The following GJC1 variants were observed in gnomAD, a reference collection of about 807,000 sequenced individuals.
GJC1 encodes gap junction protein gamma 1, also known as gap junction gamma-1 protein.
A neutral mutation model predicts 29.3 loss-of-function variants in GJC1; 5 were observed. The observed-to-expected ratio is 0.17, with a 90% CI of 0.09 to 0.36. The LOEUF (loss-of-function observed/expected upper bound fraction) is 0.36, where lower values mean the gene tolerates loss of function less well. Ranked by LOEUF, GJC1 falls within the 10% of genes least tolerant of loss-of-function variation. The probability of loss-of-function intolerance (pLI) is 1.00; values close to 1 mark genes in which losing one functional copy is unlikely to be tolerated. For synonymous variants in GJC1, 177 were observed against 183.3 expected, an observed-to-expected ratio of 0.97 and a Z score of 0.28; for missense variants, 310 against 496.2, an observed-to-expected ratio of 0.62 and a Z score of 3.56.
chr17:44,797,606 T>C (rs2049792034), downstream of GJC1: 1 of 152,204 alleles, frequency 6.6e-6, no homozygotes, highest in South Asian at 2.1e-4. Context: ...ATATTCTTCA[T>C]GCCGTTGTGC....
chr17:44,819,477 T>C (rs2050082099), intron 1 of GJC1, among the ~76,000 whole-genome samples: 1 of 151,800 alleles, frequency 6.6e-6, no homozygotes, highest in Non-Finnish European at 1.5e-5. Context: ...GCTAACACTG[T>C]GAAACCCCCT....
upstream of GJC1, chr17:44,830,627 T>C: frequency 2.5e-6 from 1 of 398,666 alleles, no homozygotes; most frequent in Non-Finnish European, 4.4e-6. The surrounding 1 kb of genome is among the most constrained non-coding windows in gnomAD (Gnocchi z 4.3). Flanking sequence ...CGCCGTGGGT[T>C]CTCGCCTTAC....
chr17:44,814,892 A>C (rs902981919), intron 1 of GJC1, among the ~76,000 whole-genome samples: 11 of 152,010 alleles, frequency 7.2e-5, no homozygotes, highest in Non-Finnish European at 1.2e-4. Context: ...CAGTGAGACG[A>C]GAAGGCACCA....
chr17:44,811,027 C>T (rs2049974047), intron 1 of GJC1, among the ~76,000 whole-genome samples: 1 of 152,174 alleles, frequency 6.6e-6, no homozygotes, highest in Non-Finnish European at 1.5e-5. Flanking sequence ...CCTCAGCCTC[C>T]CAAAGTGTTG....
intron 1 of GJC1, among the ~76,000 whole-genome samples, chr17:44,827,375 T>C (rs1333370328): frequency 6.6e-6 from 1 of 152,140 alleles, no homozygotes; most frequent in African/African-American, 2.4e-5. Flanking sequence ...TGCTTTTTCT[T>C]TGCCTAAATT....
chr17:44,800,294 G>C lies in GJC1; in HGVS notation c.*4333C>G, dbSNP rs1054268870. 6.6e-6 allele frequency: 1 copy of C among 152,134 alleles called. No homozygotes were observed. The highest frequency in any genetic ancestry group is 1.5e-5 in the Non-Finnish European group (1 of 68,050). 9.4% of individuals were successfully genotyped at this position (152,134 alleles called of 1,614,324 possible). A position where few individuals can be genotyped will look rare whatever the true frequency, so the allele number is the denominator to read the frequency against. ...CGGCTAATTTTTGGTATTTTTAGTAGAGACGGGGTTTCACCATGTTGGCCA... is the reference window on the plus strand; with the variant it reads ...CGGCTAATTTTTGGTATTTTTAGTACAGACGGGGTTTCACCATGTTGGCCA... On this transcript the variant is annotated 3_prime_UTR_variant, in exon 3 of 3. Coordinates refer to ENST00000592524, the MANE Select transcript of GJC1 (RefSeq NM_005497.4).
intron 1 of GJC1, among the ~76,000 whole-genome samples, chr17:44,819,563 C>T (rs551339318): frequency 6.6e-6 from 1 of 151,942 alleles, no homozygotes; most frequent in South Asian, 2.1e-4. Context: ...GAGGCTGAGG[C>T]AGGAGAACAG....
intron 1 of GJC1, among the ~76,000 whole-genome samples, chr17:44,824,388 T>G (rs539526599): frequency 6.6e-6 from 1 of 152,092 alleles, no homozygotes; most frequent in African/African-American, 2.4e-5. Flanking sequence ...AGCCTTCAAC[T>G]TCTGGGCTCA....
intron 1 of GJC1, among the ~76,000 whole-genome samples, chr17:44,810,184 C>T (rs965520869): frequency 5.3e-5 from 8 of 151,536 alleles, no homozygotes; most frequent in South Asian, 2.1e-4. Context: ...TTAGTAGAGA[C>T]GAGGTTATCA....
chr17:44,806,011 C>T (rs776011356), intron 2 of GJC1, among the ~76,000 whole-genome samples, 174 bp from the exon 3 acceptor site: 35 of 152,150 alleles, frequency 2.3e-4, no homozygotes, highest in Non-Finnish European at 4.7e-4. Flanking sequence ...GGGTGGCTCA[C>T]GCCTGTAATC....
chr17:44,826,771 C>T lies in GJC1; in HGVS notation c.-97+3291G>A, dbSNP rs566891600. Among the ~76,000 whole-genome samples, 8 of 152,200 alleles carry T rather than the reference C, an allele frequency of 5.3e-5. No individual in the cohort carries two copies. The East Asian group carries it at 1.5e-3, about 29-fold the overall frequency. ...TAAATAGCAATGCTCAAACGCCCAG[C>T]TAGTTTTTTGTATTTAAAATTATTT... On this transcript the variant is annotated intron_variant, in intron 1 of 2. Coordinates refer to ENST00000592524, the MANE Select transcript of GJC1 (RefSeq NM_005497.4).
At chr17:44,811,712 G>C (rs1597747557) in intron 1 of GJC1, among the ~76,000 whole-genome samples, 1 of 151,472 alleles carries the variant, frequency 6.6e-6, no homozygotes, top group African/African-American at 2.4e-5. Context: ...AATTCTGTGG[G>C]AAAAAAAATA....
At chr17:44,818,489 G>A (rs973287806) in intron 1 of GJC1, among the ~76,000 whole-genome samples, 12 of 140,486 alleles carry the variant, frequency 8.5e-5, no homozygotes, top group Non-Finnish European at 1.8e-4. Flanking sequence ...CTTTGGAAAA[G>A]TCTCTAATAG....
chr17:44,821,715 A>C (rs1383754175), intron 1 of GJC1, among the ~76,000 whole-genome samples: 31 of 148,736 alleles, frequency 2.1e-4, no homozygotes, highest in African/African-American at 4.9e-4. Flanking sequence ...AAAAAAAAAA[A>C]AAAAAAAAAA....
In GJC1 at chr17:44,798,820, A is replaced by C. The variant is rs919123839; in HGVS notation, c.*5807T>G. ...AGAGTATAATACAGAAAAACATTTA[A>C]ATCTTGGAAGCATATAGCCTGGTTC... On this transcript the variant is annotated 3_prime_UTR_variant, in exon 3 of 3. Coordinates refer to ENST00000592524, the MANE Select transcript of GJC1 (RefSeq NM_005497.4). 4.6e-5 allele frequency: 7 copies of C among 152,200 alleles called. No homozygotes were observed. Among genetic ancestry groups the C allele is most frequent in the Admixed American group, 1.3e-4 (2 of 15,278 alleles). The allele number at this position is 152,200 out of a possible 1,614,324, so 9.4% of individuals were successfully genotyped here.
In GJC1 at chr17:44,802,608, G is replaced by A. The variant is rs1321928031; in HGVS notation, c.*2019C>T. The A allele has an allele frequency of 6.6e-6, 1 of 152,126 alleles. No homozygotes were observed. The highest frequency in any genetic ancestry group is 1.5e-5 in the Non-Finnish European group (1 of 68,040). 9.4% of individuals were successfully genotyped at this position (152,126 alleles called of 1,614,324 possible). On this transcript the variant is annotated 3_prime_UTR_variant, in exon 3 of 3. Transcript: ENST00000592524. ...CCTGAGTTTAATTTTTGCCTAAGAT[G>A]TTTAGAGTTCCTGAGGTGCTTCTCT...
intron 1 of GJC1, among the ~76,000 whole-genome samples, chr17:44,816,206 A>C (rs1027626614): frequency 6.6e-6 from 1 of 152,100 alleles, no homozygotes; most frequent in Non-Finnish European, 1.5e-5. Context: ...ATAATTCAAA[A>C]GGATTCACTC....
At chr17:44,818,814 C>T (rs56984170) in intron 1 of GJC1, among the ~76,000 whole-genome samples, 6 of 149,726 alleles carry the variant, frequency 4.0e-5, no homozygotes, top group African/African-American at 1.2e-4. Context: ...GGGTGTGGGG[C>T]GGGAAGAAGC....
At chr17:44,806,769 T>C (rs2049918594) in intron 2 of GJC1, among the ~76,000 whole-genome samples, 1 of 151,736 alleles carries the variant, frequency 6.6e-6, no homozygotes, top group African/African-American at 2.4e-5. Context: ...AACACACAGG[T>C]ATAGTTATTC....
Sources: allele counts gnomAD v4.1 joint callset (sites outside exome capture counted in the v4.1 genomes callset), GRCh38; gene constraint gnomAD v4.1.1; non-coding constraint Gnocchi (gnomAD v3.1); transcripts MANE v1.5; gene names NCBI Gene and HGNC (gene_info 2026-07-23, HGNC 2026-07-21).